Variants in SUV39H2 observed in about 807,000 individuals in gnomAD.
SUV39H2 encodes SUV39H2 histone lysine methyltransferase, also known as histone-lysine N-methyltransferase SUV39H2.
Under a neutral mutation model 47.5 loss-of-function variants are expected in SUV39H2, and 10 were observed. The ratio of observed to expected loss-of-function variants is 0.21; its 90% CI spans 0.13 to 0.36. The LOEUF (loss-of-function observed/expected upper bound fraction) is 0.36, where lower values mean the gene tolerates loss of function less well. Ranked by LOEUF, SUV39H2 falls within the 10% of genes least tolerant of loss-of-function variation. The pLI is 1.00. For missense variants in SUV39H2, 266 were observed against 487.4 expected (o/e 0.55, Z 4.28); for synonymous variants, 159 against 166.8 (o/e 0.95, Z 0.36).
In SUV39H2 at chr10:14,897,537, T is replaced by C. The variant is rs1421756498; in HGVS notation, c.849+20T>C. The C allele has an allele frequency of 2.0e-6, 3 of 1,492,538 alleles. No homozygotes were observed. Among genetic ancestry groups the C allele is most frequent in the Non-Finnish European group, 2.7e-6 (3 of 1,118,736 alleles). 92.5% of individuals were successfully genotyped at this position (1,492,538 alleles called of 1,614,324 possible). On this transcript the variant is annotated intron_variant, in intron 3 of 5. Coordinates refer to ENST00000354919, the MANE Select transcript of SUV39H2 (RefSeq NM_001193424.2). ...GGAGAGGTATGTTTCATTTGCCACG[T>C]AGTAAATGATGGACATGCAAGGTTT...
rs555453476 is a variant in SUV39H2 at position 14,894,453 on chromosome 10, C to T, written c.178-2393C>T. On this transcript the variant is annotated intron_variant, in intron 2 of 5. Transcript: ENST00000354919. ...CGCGATCTCGACTCACTGCAAGCTCCGCCTCCCGGGTTCACGCCATTCTCC... is the reference window on the plus strand; with the variant it reads ...CGCGATCTCGACTCACTGCAAGCTCTGCCTCCCGGGTTCACGCCATTCTCC... Among the ~76,000 whole-genome samples, 22 of 62,614 alleles carry T rather than the reference C, an allele frequency of 3.5e-4. 5 individuals carry two copies. Among genetic ancestry groups the T allele is most frequent in the South Asian group, 2.8e-3 (4 of 1,422 alleles). The allele number at this position is 62,614 out of a possible 152,430, so 41.1% of individuals were successfully genotyped here.
At chr10:14,888,152 G>T (rs1336540069) in intron 2 of SUV39H2, among the ~76,000 whole-genome samples, 1 of 152,168 alleles carries the variant, frequency 6.6e-6, no homozygotes, top group African/African-American at 2.4e-5. Flanking sequence ...AGATGTATGT[G>T]TTGAAAACAT....
At position 14,885,075 on chromosome 10, in the gene SUV39H2, G is replaced by T. The variant is rs138627727; in HGVS notation, c.177+3430G>T. 2.5e-3 allele frequency among the ~76,000 whole-genome samples: 383 copies of T among 152,142 alleles called. 2 individuals carry two copies. The highest frequency in any genetic ancestry group is 0.014 in the Middle Eastern group (4 of 294). ...CTATCTCTTATCTCTCCTCTGAAAT[G>T]TTGATAGTCTTCAAGGCCCTGTTCT... is the stretch of plus-strand genomic sequence containing the variant. On this transcript the variant is annotated intron_variant, in intron 2 of 5. Coordinates refer to ENST00000354919, the MANE Select transcript of SUV39H2 (RefSeq NM_001193424.2).
chr10:14,889,103 C>CA (rs72496731), intron 2 of SUV39H2, among the ~76,000 whole-genome samples: 1,590 of 127,906 alleles, frequency 0.012, 22 homozygotes, highest in African/African-American at 0.035. Flanking sequence ...AACTCTGTCT[C>CA]AAAAAAAAAA....
chr10:14,891,469 C>CA (rs199726265), intron 2 of SUV39H2, among the ~76,000 whole-genome samples: 34 of 151,428 alleles, frequency 2.2e-4, no homozygotes, highest in African/African-American at 7.0e-4. Context: ...TTTGTTTTTA[C>CA]AAAAAAAACT....
intron 2 of SUV39H2, among the ~76,000 whole-genome samples, chr10:14,884,107 C>T (rs186121081): frequency 5.6e-4 from 85 of 152,286 alleles, no homozygotes; most frequent in African/African-American, 1.7e-3. Context: ...TTTCCATTTT[C>T]GGACTATTAT....
At chr10:14,879,883 C>G (rs1832992151) in intron 1 of SUV39H2, 1 of 143,184 alleles carries the variant, frequency 7.0e-6, no homozygotes, top group Non-Finnish European at 1.5e-5. Flanking sequence ...GATTGTCTTT[C>G]TTTTTTTAAC....
In SUV39H2 at chr10:14,903,454, G is replaced by T. The variant is rs1381896942; in HGVS notation, c.*942G>T. The stretch of plus-strand genomic sequence containing the variant: ...TACAGCCTCTCAATTTCAGGCAGGT[G>T]TAACAGTTCCTTTCCACCAGATTTA... On this transcript the variant is annotated 3_prime_UTR_variant, in exon 6 of 6. Transcript: ENST00000354919. 2 of 152,202 alleles carry T rather than the reference G, an allele frequency of 1.3e-5. No individual in the cohort carries two copies. Among genetic ancestry groups the T allele is most frequent in the Non-Finnish European group, 2.9e-5 (2 of 68,038 alleles). The allele number at this position is 152,202 out of a possible 1,614,324, so 9.4% of individuals were successfully genotyped here. A position where few individuals can be genotyped will look rare whatever the true frequency, so the allele number is the denominator to read the frequency against.
intron 5 of SUV39H2, among the ~76,000 whole-genome samples, chr10:14,902,178 A>G (rs1834072239): frequency 6.6e-6 from 1 of 152,230 alleles, no homozygotes; most frequent in African/African-American, 2.4e-5. Context: ...AACCCACACC[A>G]TCCTTTCAAG....
Position 14,887,648 on chromosome 10 carries a change from C to T in SUV39H2, c.177+6003C>T, listed in dbSNP as rs550430555. Among the ~76,000 whole-genome samples the T allele has an allele frequency of 9.2e-5, 14 of 152,206 alleles. No homozygotes were observed. In the East Asian group the frequency reaches 2.7e-3, roughly 29 times the overall value. On this transcript the variant is annotated intron_variant, in intron 2 of 5. Transcript: ENST00000354919. ...GCAGTTTCCTGTTCATGAACTCAGC[C>T]AATATTTACTGGCCATCTACCATGT...
chr10:14,891,750 G>A (rs1481436019), intron 2 of SUV39H2, among the ~76,000 whole-genome samples: 2 of 152,160 alleles, frequency 1.3e-5, no homozygotes, highest in Non-Finnish European at 2.9e-5. Flanking sequence ...GAAATAATCT[G>A]ATATGGAAGG....
At chr10:14,886,301 C>T (rs1833206439) in intron 2 of SUV39H2, among the ~76,000 whole-genome samples, 1 of 152,200 alleles carries the variant, frequency 6.6e-6, no homozygotes, top group Non-Finnish European at 1.5e-5. Context: ...GTGCATAGGT[C>T]ACCACCTATT....
In SUV39H2 at chr10:14,902,657, TACC is replaced by T; in HGVS notation, c.*146_*148del. The T allele has an allele frequency of 1.8e-6, 1 of 557,936 alleles. No individual in the cohort carries two copies. Among genetic ancestry groups the T allele is most frequent in the Non-Finnish European group, 3.1e-6 (1 of 321,104 alleles). 34.6% of individuals were successfully genotyped at this position (557,936 alleles called of 1,614,324 possible). On this transcript the variant is annotated 3_prime_UTR_variant, in exon 6 of 6. Transcript: ENST00000354919. ...GTTTCAAGACATTTGCCAAATGTAT[TACC>T]GATGCCTCTGAAAAGGGGGTCACTG...
chr10:14,880,512 CTCACTAAAG>C (rs1833011015), intron 1 of SUV39H2, among the ~76,000 whole-genome samples: 1 of 152,190 alleles, frequency 6.6e-6, no homozygotes, highest in Non-Finnish European at 1.5e-5. Flanking sequence ...AGATTGAGAC[CTCACTAAAG>C]TCACATAGCT....
intron 2 of SUV39H2, among the ~76,000 whole-genome samples, chr10:14,893,353 C>T (rs910087703): frequency 4.6e-5 from 7 of 152,096 alleles, no homozygotes; most frequent in Non-Finnish European, 1.0e-4. Flanking sequence ...AGGCTGTTCT[C>T]GAACTCCTGA....
chr10:14,884,068 TATTC>T (rs1487780317), intron 2 of SUV39H2, among the ~76,000 whole-genome samples: 1 of 152,238 alleles, frequency 6.6e-6, no homozygotes, highest in East Asian at 1.9e-4. Flanking sequence ...ACATTTAACT[TATTC>T]ATCACTTCGT....
intron 3 of SUV39H2, 48 bp from the exon 4 acceptor site, chr10:14,899,491 T>G (rs748128649): frequency 1.5e-5 from 24 of 1,596,176 alleles, no homozygotes; most frequent in Middle Eastern, 1.7e-4. Flanking sequence ...GATGAATGCT[T>G]CTTTGGTTCA....
intron 2 of SUV39H2, among the ~76,000 whole-genome samples, chr10:14,888,230 C>T (rs1273309275): frequency 1.3e-5 from 2 of 152,052 alleles, no homozygotes; most frequent in Non-Finnish European, 2.9e-5. Context: ...CCAAGCAAAG[C>T]AAATGTGAGC....
In SUV39H2 at chr10:14,897,424, T is replaced by C. The variant is rs1362129522; in HGVS notation, c.756T>C (p.Leu252=). 9 of 1,612,982 alleles carry C rather than the reference T, an allele frequency of 5.6e-6. No homozygotes were observed. The highest frequency in any genetic ancestry group is 5.9e-6 in the Non-Finnish European group (7 of 1,179,352). ...TACAAAAAGGCACACAGTATTCGCT[T>C]TGCATCTTTCGAACTAGCAATGGAC... ...RIVQKGTQYS[L]CIFRTSNGRG... is the part of the protein sequence containing the mutation. Residue 252 remains leucine (L), a synonymous_variant, in exon 3 of 6, where the codon CTT becomes CTC. Coordinates refer to ENST00000354919, the MANE Select transcript of SUV39H2 (RefSeq NM_001193424.2).
Sources: allele counts gnomAD v4.1 joint callset (sites outside exome capture counted in the v4.1 genomes callset), GRCh38; gene constraint gnomAD v4.1.1; transcripts MANE v1.5; gene names NCBI Gene and HGNC (gene_info 2026-07-23, HGNC 2026-07-21).